Variants in PCDH17 observed in about 807,000 individuals in gnomAD.
The protein encoded by PCDH17 is protocadherin-17.
A neutral mutation model predicts 67.7 loss-of-function variants in PCDH17; 21 were observed. The observed-to-expected ratio is 0.31, with a 90% confidence interval of 0.22 to 0.45. The LOEUF (loss-of-function observed/expected upper bound fraction) is 0.45, where lower values mean the gene tolerates loss of function less well. Ranked by LOEUF, PCDH17 falls within the 20% of genes least tolerant of loss-of-function variation. The probability of loss-of-function intolerance (pLI) is 1.00; values close to 1 mark genes in which losing one functional copy is unlikely to be tolerated. For synonymous variants in PCDH17, 701 were observed against 656.7 expected (o/e 1.07, Z -1.03); for missense variants, 1,471 against 1,564.8 (o/e 0.94, Z 1.01).
rs542718984 is a variant in PCDH17 at position 57,680,253 on chromosome 13, T to A, written c.2797+13420T>A. Among the ~76,000 whole-genome samples, 64 of 151,648 alleles carry A rather than the reference T, an allele frequency of 4.2e-4. 1 individual carries two copies. The South Asian group carries it at 9.5e-3, about 23-fold the overall frequency. Reference sequence around the variant, plus strand: ...TGAGCTTGTAATACGATCTTGAAAGTGGACTGTCTATCAGATGAAAATATA... The same window carrying A: ...TGAGCTTGTAATACGATCTTGAAAGAGGACTGTCTATCAGATGAAAATATA... On this transcript the variant is annotated intron_variant, in intron 3 of 3. Coordinates refer to ENST00000377918, the MANE Select transcript of PCDH17 (RefSeq NM_001040429.3).
chr13:57,676,394 G>A (rs896163921), intron 3 of PCDH17, among the ~76,000 whole-genome samples: 3 of 151,790 alleles, frequency 2.0e-5, no homozygotes, highest in Non-Finnish European at 4.4e-5. Flanking sequence ...GGTCACTGCA[G>A]GAACAACATT....
Position 57,666,538 on chromosome 13 carries a change from T to TA in PCDH17, c.2624+15dup, listed in dbSNP as rs771160993. 1 of 1,613,048 alleles carries TA rather than the reference T, an allele frequency of 6.2e-7. No homozygotes were observed. The highest frequency in any genetic ancestry group is 1.3e-5 in the African/African-American group (1 of 74,908). On this transcript the variant is annotated intron_variant, in intron 2 of 3. Transcript: ENST00000377918. Reference sequence around the variant, plus strand: ...CAGTTTGTTCAAAGGTAAGGCCTATTAAATAACTTTTCTCAGCTTCCCCAT... The same window carrying TA: ...CAGTTTGTTCAAAGGTAAGGCCTATTAAAATAACTTTTCTCAGCTTCCCCAT...
At chr13:57,676,431 T>G (rs1180453586) in intron 3 of PCDH17, among the ~76,000 whole-genome samples, 1 of 151,800 alleles carries the variant, frequency 6.6e-6, no homozygotes, top group Non-Finnish European at 1.5e-5. Context: ...GAGTTTAGAT[T>G]TAGACATGTT....
At chr13:57,665,879 G>C (rs9316940) in intron 1 of PCDH17, among the ~76,000 whole-genome samples, 109,296 of 151,952 alleles carry the variant, frequency 0.72, 39,706 homozygotes, top group South Asian at 0.8. Flanking sequence ...AATCCATTCC[G>C]ACTGGATTGT....
Position 57,666,705 on chromosome 13 carries a change from G to C in PCDH17, c.2669G>C (p.Ser890Thr). ...CCAGAAAGAGCCAGCCTGAGAGACA[G>C]TGGGCACGGGGACAGTGATCAGGCT... ...KDPERASLRD[S>T]GHGDSDQADS... The change falls in exon 3 of 4, where the codon AGT becomes ACT. Residue 890 changes from serine to threonine, a missense_variant. By Grantham distance (58) the Ser-to-Thr change is moderately conservative. This residue lies in a region of PCDH17 where 11 missense variants were observed against 36.2 expected (regional missense o/e 0.30). Coordinates refer to ENST00000377918, the MANE Select transcript of PCDH17 (RefSeq NM_001040429.3). 6.2e-7 allele frequency: 1 copy of C among 1,613,620 alleles called. No individual in the cohort carries two copies. The highest frequency in any genetic ancestry group is 8.5e-7 in the Non-Finnish European group (1 of 1,179,698).
At chr13:57,666,446 T>C in intron 1 of PCDH17, 22 bp from the exon 2 acceptor site, 1 of 1,597,566 alleles carries the variant, frequency 6.3e-7, no homozygotes, top group South Asian at 1.1e-5. Context: ...ACTATACGTA[T>C]TTTTTTCCTT....
rs1954730812 is a variant in PCDH17, at chr13:57,632,065, C to A, written c.-482C>A. Reference sequence around the variant, plus strand: ...CTAGAGACACACCTCCCTGCTCCCTCCCCCACTCGATGTGAAGAGTATTCC... The same window carrying A: ...CTAGAGACACACCTCCCTGCTCCCTACCCCACTCGATGTGAAGAGTATTCC... On this transcript the variant is annotated 5_prime_UTR_variant, in exon 1 of 4. Coordinates refer to ENST00000377918, the MANE Select transcript of PCDH17 (RefSeq NM_001040429.3). 5.1e-6 allele frequency: 1 copy of A among 197,118 alleles called. No homozygotes were observed. The highest frequency in any genetic ancestry group is 5.5e-5 in the Admixed American group (1 of 18,050). The allele number at this position is 197,118 out of a possible 1,614,324, so 12.2% of individuals were successfully genotyped here.
chr13:57,718,091 A>C (rs1427833166), intron 3 of PCDH17, among the ~76,000 whole-genome samples: 2 of 152,034 alleles, frequency 1.3e-5, no homozygotes, highest in Non-Finnish European at 2.9e-5. Context: ...TACTTGATTA[A>C]GAAACAACAT....
chr13:57,644,431 T>A (rs1470593965), intron 1 of PCDH17, among the ~76,000 whole-genome samples: 2 of 151,626 alleles, frequency 1.3e-5, no homozygotes, highest in African/African-American at 4.8e-5. Context: ...CACGATTTTT[T>A]ATAATCAAGA....
intron 1 of PCDH17, among the ~76,000 whole-genome samples, chr13:57,650,411 T>C (rs1955021813): frequency 6.6e-6 from 1 of 152,100 alleles, no homozygotes; most frequent in Non-Finnish European, 1.5e-5. Context: ...CCTCCAGGGA[T>C]GAATTGCTTA....
intron 3 of PCDH17, among the ~76,000 whole-genome samples, chr13:57,691,967 AT>A (rs1466499746): frequency 2.0e-5 from 3 of 151,274 alleles, no homozygotes; most frequent in African/African-American, 7.3e-5. Flanking sequence ...AGCTTATTAA[AT>A]TTTAATACAA....
At chr13:57,671,916 C>G (rs541609356) in intron 3 of PCDH17, among the ~76,000 whole-genome samples, 1 of 152,172 alleles carries the variant, frequency 6.6e-6, no homozygotes, top group East Asian at 1.9e-4. Context: ...AAGGACTTCT[C>G]TGCTTCCCAG....
At chr13:57,713,400 A>G (rs1348963545) in intron 3 of PCDH17, among the ~76,000 whole-genome samples, 1 of 151,744 alleles carries the variant, frequency 6.6e-6, no homozygotes, top group Admixed American at 6.6e-5. Context: ...TACAGGTAAT[A>G]AGAACAGAAT....
Position 57,634,766 on chromosome 13 carries a change from C to T in PCDH17, c.2220C>T (p.Tyr740=). 6.2e-7 allele frequency: 1 copy of T among 1,614,076 alleles called. No homozygotes were observed. Among genetic ancestry groups the T allele is most frequent in the East Asian group, 2.2e-5 (1 of 44,852 alleles). ...GCGAGAACAAGGAGATCCGCACTTA[C>T]AACTGCCGCATCGCCGAGTACAGCC... ...CKRENKEIRT[Y]NCRIAEYSHP... Residue 740 remains tyrosine, a synonymous_variant, in exon 1 of 4, where the codon TAC becomes TAT. Transcript: ENST00000377918. This position sits in a 1 kb window ranked among gnomAD's most constrained non-coding sequence, Gnocchi z 7.8.
intron 3 of PCDH17, among the ~76,000 whole-genome samples, chr13:57,709,268 G>T (rs1486691141): frequency 6.6e-6 from 1 of 151,570 alleles, no homozygotes; most frequent in Non-Finnish European, 1.5e-5. Context: ...TTAAAACCTT[G>T]GTAACTAGGG....
At chr13:57,668,685 T>G (rs1955284784) in intron 3 of PCDH17, among the ~76,000 whole-genome samples, 1 of 152,080 alleles carries the variant, frequency 6.6e-6, no homozygotes, top group Admixed American at 6.6e-5. Flanking sequence ...AAATTTTAAA[T>G]AATATTGCGC....
At chr13:57,675,642 A>T (rs1299368501) in intron 3 of PCDH17, among the ~76,000 whole-genome samples, 1 of 151,970 alleles carries the variant, frequency 6.6e-6, no homozygotes, top group Non-Finnish European at 1.5e-5. Flanking sequence ...AAACACTCAG[A>T]AGCACAGATG....
intron 3 of PCDH17, among the ~76,000 whole-genome samples, chr13:57,689,234 T>C (rs1166529666): frequency 6.6e-6 from 1 of 152,006 alleles, no homozygotes; most frequent in Non-Finnish European, 1.5e-5. Context: ...GTCATTCTAG[T>C]CAACATATGA....
intron 3 of PCDH17, among the ~76,000 whole-genome samples, chr13:57,695,850 G>A (rs2138068192): frequency 6.6e-6 from 1 of 151,408 alleles, no homozygotes; most frequent in South Asian, 2.1e-4. Context: ...GGCTCAACAA[G>A]CATTCTTGTA....
Sources: allele counts gnomAD v4.1 joint callset (sites outside exome capture counted in the v4.1 genomes callset), GRCh38; gene constraint gnomAD v4.1.1; regional missense constraint gnomAD v4.1.1; non-coding constraint Gnocchi (gnomAD v3.1); transcripts MANE v1.5; gene names NCBI Gene and HGNC (gene_info 2026-07-23, HGNC 2026-07-21).